ACOT1: variants seen among roughly 807,000 people sequenced by gnomAD.
ACOT1 encodes acyl-coenzyme A thioesterase 1.
ACOT1 carries 8 observed loss-of-function variants against 15.7 expected under a neutral mutation model. The ratio of observed to expected loss-of-function variants is 0.51; its 90% CI spans 0.30 to 0.92. ACOT1 has a LOEUF of 0.92. ACOT1 is among the 40% of genes least tolerant of loss of function. The probability of loss-of-function intolerance (pLI) is 0.06; values close to 1 mark genes in which losing one functional copy is unlikely to be tolerated. For synonymous variants in ACOT1, 67 were observed against 241.2 expected, an observed-to-expected ratio of 0.28 and a Z score of 6.69; for missense variants, 151 against 539.4, an observed-to-expected ratio of 0.28 and a Z score of 7.13.
the ACOT1 span, among the ~76,000 whole-genome samples, chr14:73,517,700 A>G: frequency 8.0e-5 from 11 of 137,960 alleles, no homozygotes; most frequent in South Asian, 2.4e-4. Context: ...AAAGAGAGAG[A>G]GGGAAGGGGA....
chr14:73,495,388 C>G, the ACOT1 span: 1 of 1,611,050 alleles, frequency 6.2e-7, no homozygotes, highest in Non-Finnish European at 8.5e-7. Flanking sequence ...GTGTTTTAAT[C>G]TAAATTAGAA....
In ACOT1 at chr14:73,539,985, C is replaced by G. The variant is rs1419958606; in HGVS notation, c.458-1508C>G. On this transcript the variant is annotated intron_variant, in intron 1 of 2. Transcript: ENST00000311148. The stretch of plus-strand genomic sequence containing the variant: ...GGATACTTTTATATTACATAAAGAG[C>G]AATCAGCCAGTGTAGAAATGATGCT... Among the ~76,000 whole-genome samples, 2 of 115,586 alleles carry G rather than the reference C, an allele frequency of 1.7e-5. 1 individual carries two copies. Among genetic ancestry groups the G allele is most frequent in the Non-Finnish European group, 3.8e-5 (2 of 52,998 alleles). The allele number at this position is 115,586 out of a possible 152,430, so 75.8% of individuals were successfully genotyped here.
the ACOT1 span, chr14:73,500,616 A>G: frequency 1.2e-6 from 2 of 1,614,174 alleles, no homozygotes; most frequent in East Asian, 4.5e-5. Context: ...CTGTGAAGTC[A>G]TCAGAGAAGC....
chr14:73,502,610 C>T, the ACOT1 span, among the ~76,000 whole-genome samples: 2 of 151,792 alleles, frequency 1.3e-5, no homozygotes, highest in South Asian at 2.1e-4. Flanking sequence ...TGCAGTGGCG[C>T]GATCTCTGCT....
At chr14:73,523,035 ACTC>A in the ACOT1 span, 54 of 1,613,850 alleles carry the variant, frequency 3.3e-5, 1 homozygote, top group Admixed American at 8.5e-4. Context: ...ACAGAGGCAC[ACTC>A]CTCCTTGCCT....
At chr14:73,538,410 A>C in intron 1 of ACOT1, among the ~76,000 whole-genome samples, 1 of 112,004 alleles carries the variant, frequency 8.9e-6, no homozygotes. Flanking sequence ...TCAGGAGATC[A>C]AGGCCATCCT....
the ACOT1 span, among the ~76,000 whole-genome samples, chr14:73,507,389 T>C: frequency 1.3e-5 from 2 of 152,190 alleles, no homozygotes; most frequent in African/African-American, 4.8e-5. Flanking sequence ...TTACTTATGC[T>C]TGAGATTGTC....
chr14:73,498,245 C>T, the ACOT1 span: 79 of 1,614,086 alleles, frequency 4.9e-5, no homozygotes, highest in Non-Finnish European at 6.2e-5. Flanking sequence ...TAGGATGCTA[C>T]GGCAAGCTTC....
chr14:73,519,131 T>C, the ACOT1 span: 4 of 1,613,742 alleles, frequency 2.5e-6, no homozygotes, highest in Non-Finnish European at 3.4e-6. Context: ...TGGTCTCTCT[T>C]TGCACCAATC....
chr14:73,506,011 C>T, the ACOT1 span, among the ~76,000 whole-genome samples: 1 of 151,614 alleles, frequency 6.6e-6, no homozygotes, highest in Admixed American at 6.6e-5. Flanking sequence ...CTGCCTCAGC[C>T]TCCCAAGTAG....
chr14:73,538,607 G>C lies in ACOT1; in HGVS notation c.457+729G>C, dbSNP rs1194151231. Among the ~76,000 whole-genome samples, 3 of 63,188 alleles carry C rather than the reference G, an allele frequency of 4.7e-5. 1 individual carries two copies. Among genetic ancestry groups the C allele is most frequent in the Non-Finnish European group, 8.5e-5 (3 of 35,172 alleles). 41.5% of individuals were successfully genotyped at this position (63,188 alleles called of 152,430 possible). ...AGCCTGGGCAATAGAGTGAGACTCC[G>C]TCTCAAAAAAAAAAAAAAAAAAAGG... On this transcript the variant is annotated intron_variant, in intron 1 of 2. Coordinates refer to ENST00000311148, the MANE Select transcript of ACOT1 (RefSeq NM_001037161.2).
the ACOT1 span, among the ~76,000 whole-genome samples, chr14:73,504,244 AT>A: frequency 0.11 from 13,800 of 131,120 alleles, 744 homozygotes; most frequent in East Asian, 0.29. Context: ...AGCCTGGCTA[AT>A]TTTTTTTTTT....
upstream of ACOT1, among the ~76,000 whole-genome samples, chr14:73,533,505 C>A (rs1427512148): frequency 6.2e-5 from 7 of 113,798 alleles, 1 homozygote; most frequent in African/African-American, 2.0e-4. Flanking sequence ...ATGGTGGAAC[C>A]CCATCTCTAC....
the ACOT1 span, among the ~76,000 whole-genome samples, chr14:73,518,729 A>G: frequency 2.6e-5 from 4 of 152,186 alleles, no homozygotes; most frequent in Non-Finnish European, 5.9e-5. Flanking sequence ...TTTCCCTGTT[A>G]GCATTGAGAT....
the ACOT1 span, chr14:73,491,002 C>A: frequency 7.2e-7 from 1 of 1,386,026 alleles, no homozygotes; most frequent in South Asian, 1.8e-5. Flanking sequence ...GCGGGGAAGA[C>A]TGGTGTGGTC....
chr14:73,508,935 C>T, the ACOT1 span, among the ~76,000 whole-genome samples: 1 of 151,732 alleles, frequency 6.6e-6, no homozygotes, highest in African/African-American at 2.4e-5. Flanking sequence ...AGCTTCAACC[C>T]CCTGGGCTCA....
the ACOT1 span, chr14:73,513,941 G>A: frequency 1.5e-6 from 2 of 1,311,678 alleles, no homozygotes; most frequent in South Asian, 2.4e-5. Context: ...ACAAAGGAGG[G>A]ATGGATTTTT....
chr14:73,490,960 G>A, the ACOT1 span: 1 of 1,293,432 alleles, frequency 7.7e-7, no homozygotes, highest in South Asian at 2.5e-5. Flanking sequence ...CTGCATTCAG[G>A]AACCGCTTTA....
the ACOT1 span, chr14:73,498,205 C>G: frequency 1.2e-6 from 2 of 1,613,914 alleles, no homozygotes; most frequent in Non-Finnish European, 1.7e-6. Context: ...GGAAGGTGTC[C>G]CTGACCCGGT....
Sources: allele counts gnomAD v4.1 joint callset (sites outside exome capture counted in the v4.1 genomes callset), GRCh38; gene constraint gnomAD v4.1.1; transcripts MANE v1.5; gene names NCBI Gene and HGNC (gene_info 2026-07-23, HGNC 2026-07-21).